ANKRD13A: variants seen among roughly 807,000 people sequenced by gnomAD.
The protein encoded by ANKRD13A is ankyrin repeat domain-containing protein 13A.
In ANKRD13A, 48 loss-of-function variants were observed where a neutral mutation model predicts 81.3. The ratio of observed to expected loss-of-function variants is 0.59; its 90% CI spans 0.47 to 0.75. The LOEUF is 0.75. Ranked by LOEUF, ANKRD13A falls within the 30% of genes least tolerant of loss-of-function variation. ANKRD13A has a pLI of 0.00. For synonymous variants in ANKRD13A, 230 were observed against 270.1 expected (o/e 0.85, Z 1.45); for missense variants, 612 against 734.0 (o/e 0.83, Z 1.92).
At chr12:110,034,639 C>G in intron 13 of ANKRD13A, among the ~76,000 whole-genome samples, 1 of 152,160 alleles carries the variant, frequency 6.6e-6, no homozygotes, top group East Asian at 1.9e-4. Context: ...GGTTCTCCCT[C>G]CATGCCTCAC....
rs1264545126 is a variant in ANKRD13A at position 110,037,611 on chromosome 12, T to G, written c.*57T>G. Reference sequence around the variant, plus strand: ...AGAGGCTGTGGGCTGTCACAGATGCTGTGTCAACCAGGGCCCTAGGGCTAA... The same window carrying G: ...AGAGGCTGTGGGCTGTCACAGATGCGGTGTCAACCAGGGCCCTAGGGCTAA... On this transcript the variant is annotated 3_prime_UTR_variant, in exon 15 of 15. Transcript: ENST00000261739. 2 of 1,557,566 alleles carry G rather than the reference T, an allele frequency of 1.3e-6. No individual in the cohort carries two copies. The highest frequency in any genetic ancestry group is 2.7e-5 in the African/African-American group (2 of 73,042).
Position 110,004,157 on chromosome 12 carries a change from C to CA in ANKRD13A, c.96+4383dup, listed in dbSNP as rs1269130065. Among the ~76,000 whole-genome samples the CA allele has an allele frequency of 2.5e-4, 36 of 144,318 alleles. No homozygotes were observed. In the Middle Eastern group the frequency reaches 0.017, roughly 70 times the overall value. 94.7% of individuals were successfully genotyped at this position (144,318 alleles called of 152,430 possible). On this transcript the variant is annotated intron_variant, in intron 1 of 14. Transcript: ENST00000261739. ...CCGGCAACAGTATGAGACTCCATCT[C>CA]AAAAAAAAAATAAATTTTTTTTAAG...
Position 110,039,131 on chromosome 12 carries a change from G to A in ANKRD13A, c.*1577G>A, listed in dbSNP as rs1045505778. 2 of 151,494 alleles carry A rather than the reference G, an allele frequency of 1.3e-5. No individual in the cohort carries two copies. The highest frequency in any genetic ancestry group is 6.6e-5 in the Admixed American group (1 of 15,210). The allele number at this position is 151,494 out of a possible 1,614,324, so 9.4% of individuals were successfully genotyped here. A position where few individuals can be genotyped will look rare whatever the true frequency, so the allele number is the denominator to read the frequency against. The stretch of plus-strand genomic sequence containing the variant: ...TGCACATGAGGCCAGTATAGGCAAC[G>A]TCACATTTGTTTGTTTCAAATATGC... On this transcript the variant is annotated 3_prime_UTR_variant, in exon 15 of 15. Coordinates refer to ENST00000261739, the MANE Select transcript of ANKRD13A (RefSeq NM_033121.2).
At chr12:110,003,404 C>T (rs570932200) in intron 1 of ANKRD13A, among the ~76,000 whole-genome samples, 1 of 152,342 alleles carries the variant, frequency 6.6e-6, no homozygotes, top group South Asian at 2.1e-4. Flanking sequence ...AGCCTAGAGC[C>T]TGCTCTCCTC....
chr12:110,038,778 A>G lies in ANKRD13A; in HGVS notation c.*1224A>G, dbSNP rs541845312. 1.3e-5 allele frequency: 2 copies of G among 152,358 alleles called. No homozygotes were observed. Among genetic ancestry groups the G allele is most frequent in the South Asian group, 4.2e-4 (2 of 4,818 alleles). The allele number at this position is 152,358 out of a possible 1,614,324, so 9.4% of individuals were successfully genotyped here. Reference sequence around the variant, plus strand: ...TTTAGTAGTTAACTCTCTTTTGTCAAACCCTCTTGTATATAACCATCGCAC... The same window carrying G: ...TTTAGTAGTTAACTCTCTTTTGTCAGACCCTCTTGTATATAACCATCGCAC... On this transcript the variant is annotated 3_prime_UTR_variant, in exon 15 of 15. Coordinates refer to ENST00000261739, the MANE Select transcript of ANKRD13A (RefSeq NM_033121.2).
chr12:110,021,518 C>G (rs548073637), intron 6 of ANKRD13A: 1 of 153,192 alleles, frequency 6.5e-6, no homozygotes, highest in African/African-American at 2.4e-5. Context: ...CTCCGCCTAC[C>G]GGGTTCAAGC....
In ANKRD13A at chr12:110,029,651, C is replaced by T; in HGVS notation, c.1234+16C>T. 1 of 1,606,754 alleles carries T rather than the reference C, an allele frequency of 6.2e-7. No homozygotes were observed. ...GTCAAAATAGGTACTGCTAAATAAA[C>T]TTCAGCAACACTTGGAGGTTCTGCC... On this transcript the variant is annotated intron_variant, in intron 11 of 14. Coordinates refer to ENST00000261739, the MANE Select transcript of ANKRD13A (RefSeq NM_033121.2).
At position 110,019,339 on chromosome 12, in the gene ANKRD13A, A is replaced by G. The variant is rs764443717; in HGVS notation, c.734+11A>G. On this transcript the variant is annotated intron_variant, in intron 6 of 14. Coordinates refer to ENST00000261739, the MANE Select transcript of ANKRD13A (RefSeq NM_033121.2). Reference sequence around the variant, plus strand: ...TATTGCTTTTGAAAGGTACAAATTTAGACTCTAAATTTTAATGTCTAATCC... The same window carrying G: ...TATTGCTTTTGAAAGGTACAAATTTGGACTCTAAATTTTAATGTCTAATCC... The G allele has an allele frequency of 4.4e-6, 7 of 1,585,336 alleles. No homozygotes were observed. The highest frequency in any genetic ancestry group is 1.7e-4 in the Middle Eastern group (1 of 5,926).
At chr12:110,020,212 T>C (rs77567091) in intron 6 of ANKRD13A, among the ~76,000 whole-genome samples, 2,878 of 152,248 alleles carry the variant, frequency 0.019, 39 homozygotes, top group Non-Finnish European at 0.03. Flanking sequence ...CCTTATAGTA[T>C]TTGTCTAGAA....
rs189743845 is a variant in ANKRD13A at position 110,007,506 on chromosome 12, A to C, written c.97-4499A>C. ...AGCGATTCTCCTGCCTCAGCCTCCCAAGTAGCTGGGATTACAGACATGTGC... is the reference window on the plus strand; with the variant it reads ...AGCGATTCTCCTGCCTCAGCCTCCCCAGTAGCTGGGATTACAGACATGTGC... On this transcript the variant is annotated intron_variant, in intron 1 of 14. Transcript: ENST00000261739. Among the ~76,000 whole-genome samples the C allele has an allele frequency of 1.9e-4, 29 of 152,010 alleles. No individual in the cohort carries two copies. In the East Asian group the frequency reaches 5.4e-3, roughly 28 times the overall value.
intron 1 of ANKRD13A, among the ~76,000 whole-genome samples, chr12:110,007,580 A>G (rs1890304382): frequency 6.6e-6 from 1 of 152,034 alleles, no homozygotes; most frequent in South Asian, 2.1e-4. Flanking sequence ...GGGTTTCTCC[A>G]TGTTGGTCAG....
intron 1 of ANKRD13A, among the ~76,000 whole-genome samples, chr12:110,001,461 A>G (rs550130607): frequency 7.0e-6 from 1 of 143,508 alleles, no homozygotes; most frequent in Admixed American, 7.2e-5. Context: ...TCTTTTTGAG[A>G]TGGAGTCTCG....
In ANKRD13A at chr12:110,037,394, G is replaced by A. The variant is rs1892127789; in HGVS notation, c.1613G>A (p.Gly538Asp). 7.4e-6 allele frequency: 12 copies of A among 1,614,196 alleles called. No homozygotes were observed. The highest frequency in any genetic ancestry group is 1.0e-5 in the Non-Finnish European group (12 of 1,180,024). ...GAGAGCCTCCTCACCAGCACAGAAG[G>A]CCTGTGCCCCAGCGCCCTGAGCGAG... ...IQESLLTSTEGLCPSALSETS... is the reference protein window; with the variant it reads ...IQESLLTSTEDLCPSALSETS... The change falls in exon 15 of 15, where the codon GGC becomes GAC. Residue 538 changes from glycine to aspartate, a missense_variant. Gly to Asp is a moderately conservative substitution (Grantham distance 94). Transcript: ENST00000261739.
chr12:110,018,457 A>G lies in ANKRD13A; in HGVS notation c.513A>G (p.Arg171=). The G allele has an allele frequency of 6.2e-7, 1 of 1,614,134 alleles. No individual in the cohort carries two copies. Among genetic ancestry groups the G allele is most frequent in the Non-Finnish European group, 8.5e-7 (1 of 1,180,014 alleles). The change falls in exon 5 of 15, where the codon AGA becomes AGG. Residue 171 remains arginine (R), a synonymous_variant. Coordinates refer to ENST00000261739, the MANE Select transcript of ANKRD13A (RefSeq NM_033121.2). This position sits in a 1 kb window ranked among gnomAD's most constrained non-coding sequence, Gnocchi z 4.4. ...LLGFENMSWI[R]GRRSFIFKGE... ...GATTTGAAAACATGAGCTGGATAAG[A>G]GGGAGGCGTAGTTTTATATTTAAGG... is the stretch of plus-strand genomic sequence containing the variant.
At position 109,999,807 on chromosome 12, in the gene ANKRD13A, G is replaced by A. The variant is rs1379617501; in HGVS notation, c.96+23G>A. The A allele has an allele frequency of 2.0e-6, 3 of 1,518,130 alleles. No homozygotes were observed. The allele number at this position is 1,518,130 out of a possible 1,614,324, so 94.0% of individuals were successfully genotyped here. On this transcript the variant is annotated intron_variant, in intron 1 of 14. Coordinates refer to ENST00000261739, the MANE Select transcript of ANKRD13A (RefSeq NM_033121.2). The surrounding 1 kb of genome is among the most constrained non-coding windows in gnomAD (Gnocchi z 4.3). ...CAGGTGAGGGGCGGGGCGGGGGTCC[G>A]TCTCCCGGTGGGGACTTCGGGGAAT...
intron 7 of ANKRD13A, among the ~76,000 whole-genome samples, chr12:110,025,441 T>C (rs1891269603): frequency 6.6e-6 from 1 of 151,620 alleles, no homozygotes; most frequent in African/African-American, 2.4e-5. Flanking sequence ...GGTGGAAACC[T>C]AGATTGCAGG....
In ANKRD13A at chr12:110,031,119, T is replaced by A. The variant is rs577665267; in HGVS notation, c.1348+361T>A. On this transcript the variant is annotated intron_variant, in intron 12 of 14. Transcript: ENST00000261739. ...AAAACTACATCTCAAAAAAAAAAAATTATAATTCAGTCATCATATTCATAA... is the reference window on the plus strand; with the variant it reads ...AAAACTACATCTCAAAAAAAAAAAAATATAATTCAGTCATCATATTCATAA... 2.2e-4 allele frequency among the ~76,000 whole-genome samples: 33 copies of A among 151,368 alleles called. 3 individuals are homozygous for A. In the South Asian group the frequency reaches 6.9e-3, roughly 32 times the overall value.
At chr12:110,001,772 G>A (rs151225356) in intron 1 of ANKRD13A, among the ~76,000 whole-genome samples, 10 of 151,454 alleles carry the variant, frequency 6.6e-5, no homozygotes, top group Non-Finnish European at 7.4e-5. Context: ...GAGAGTCATC[G>A]TTCTTAATTA....
Position 110,028,519 on chromosome 12 carries a change from C to T in ANKRD13A, c.953C>T (p.Thr318Ile). 2 of 1,614,086 alleles carry T rather than the reference C, an allele frequency of 1.2e-6. No individual in the cohort carries two copies. Among genetic ancestry groups the T allele is most frequent in the South Asian group, 1.1e-5 (1 of 91,078 alleles). Residue 318 changes from threonine (T) to isoleucine (I), a missense_variant, in exon 10 of 15, where the codon ACC (threonine) becomes ATC (isoleucine). Thr to Ile is a moderately conservative substitution (Grantham distance 89). Coordinates refer to ENST00000261739, the MANE Select transcript of ANKRD13A (RefSeq NM_033121.2). ...EHQFGAQGDL[T>I]TECATANNPT... is the part of the protein sequence containing the mutation. The stretch of plus-strand genomic sequence containing the variant: ...TGAGTTCTGGCTCAGCAGGACCTCA[C>T]CACGGAATGTGCTACTGCAAACAAC...
Sources: gnomAD v4.1 joint callset for allele counts (sites outside exome capture counted in the v4.1 genomes callset) on GRCh38, gnomAD v4.1.1 for gene constraint, Gnocchi (gnomAD v3.1) non-coding constraint, MANE v1.5 for transcripts, NCBI Gene and HGNC (gene_info 2026-07-23, HGNC 2026-07-21) for gene names.